The following IQCJ variants were observed in gnomAD, a reference collection of about 807,000 sequenced individuals.
IQCJ encodes the protein IQ domain-containing protein J.
Under a neutral mutation model 11.0 loss-of-function variants are expected in IQCJ, and 9 were observed. The ratio of observed to expected loss-of-function variants is 0.82; its 90% CI spans 0.49 to 1.43. The LOEUF (loss-of-function observed/expected upper bound fraction) is 1.43. Ranked by LOEUF, IQCJ falls within the 40% of genes most tolerant of loss-of-function variation. The pLI is 0.00. For synonymous variants in IQCJ, 55 were observed against 51.3 expected, an observed-to-expected ratio of 1.07 and a Z score of -0.31; for missense variants, 146 against 133.2, an observed-to-expected ratio of 1.10 and a Z score of -0.47.
intron 1 of IQCJ, among the ~76,000 whole-genome samples, chr3:159,126,576 A>C (rs1019869217): frequency 6.6e-6 from 1 of 152,204 alleles, no homozygotes; most frequent in Non-Finnish European, 1.5e-5. Context: ...AGGACAGGGT[A>C]GGTTCTGAAT....
chr3:159,188,266 C>T (rs1308207707), intron 1 of IQCJ, among the ~76,000 whole-genome samples: 5 of 152,088 alleles, frequency 3.3e-5, no homozygotes, highest in East Asian at 1.9e-4. Context: ...CAAAATTAGC[C>T]GGGTGTGGTG....
intron 1 of IQCJ, among the ~76,000 whole-genome samples, chr3:159,076,952 G>C (rs73874794): frequency 6.6e-6 from 1 of 152,018 alleles, no homozygotes; most frequent in African/African-American, 2.4e-5. Flanking sequence ...GAGACTTAAG[G>C]TATATAAAGT....
intron 1 of IQCJ, among the ~76,000 whole-genome samples, chr3:159,209,357 C>T (rs933565073): frequency 1.7e-4 from 26 of 152,112 alleles, no homozygotes; most frequent in Admixed American, 1.0e-3. Flanking sequence ...ATCCCCCTTC[C>T]GGCTCCCCTT....
intron 1 of IQCJ, among the ~76,000 whole-genome samples, chr3:159,150,088 A>G (rs1721122733): frequency 6.6e-6 from 1 of 152,106 alleles, no homozygotes; most frequent in South Asian, 2.1e-4. Context: ...ATTAGTGCTC[A>G]TCTCCCCTAA....
intron 1 of IQCJ, among the ~76,000 whole-genome samples, chr3:159,116,467 A>T (rs1197003714): frequency 6.6e-6 from 1 of 151,408 alleles, no homozygotes; most frequent in Admixed American, 6.6e-5. Flanking sequence ...AAGATTGTGG[A>T]TCTCTTAAGT....
intron 1 of IQCJ, among the ~76,000 whole-genome samples, chr3:159,223,076 T>C (rs1725643260): frequency 6.6e-6 from 1 of 152,168 alleles, no homozygotes; most frequent in African/African-American, 2.4e-5. Flanking sequence ...AAAGATTTTA[T>C]ATACTTGAAA....
chr3:159,259,071 C>T (rs1395073287), intron 3 of IQCJ, among the ~76,000 whole-genome samples: 2 of 152,202 alleles, frequency 1.3e-5, no homozygotes. Context: ...TCTGGGAACC[C>T]TCTCCTCTCC....
chr3:159,254,946 C>T (rs1727809158), intron 3 of IQCJ, among the ~76,000 whole-genome samples: 1 of 152,200 alleles, frequency 6.6e-6, no homozygotes, highest in Non-Finnish European at 1.5e-5. Flanking sequence ...GGTTTGTGCC[C>T]CTTGCTCTGC....
chr3:159,083,170 A>G (rs1323700851), intron 1 of IQCJ, among the ~76,000 whole-genome samples: 2 of 152,172 alleles, frequency 1.3e-5, no homozygotes, highest in Non-Finnish European at 2.9e-5. Context: ...AGAAAGAAAA[A>G]GACAAGCTAT....
rs138479319 is a variant in IQCJ at position 159,083,055 on chromosome 3, C to A, written c.9+13614C>A. Among the ~76,000 whole-genome samples the A allele has an allele frequency of 3.8e-4, 58 of 152,140 alleles. No homozygotes were observed. In the East Asian group the frequency reaches 8.3e-3, roughly 22 times the overall value. On this transcript the variant is annotated intron_variant, in intron 1 of 3. Transcript: ENST00000397832. ...TTTTGAAACCTCGGATGAGGTAAAG[C>A]CTTCTTAAACTTGTCACCAAAAGCA...
chr3:159,254,157 A>G (rs979727016), intron 3 of IQCJ, among the ~76,000 whole-genome samples: 1 of 152,332 alleles, frequency 6.6e-6, no homozygotes, highest in South Asian at 2.1e-4. Context: ...TCTCATTAAG[A>G]TAAGGTCCTG....
At chr3:159,225,153 T>A (rs1725780138) in intron 1 of IQCJ, among the ~76,000 whole-genome samples, 1 of 152,188 alleles carries the variant, frequency 6.6e-6, no homozygotes, top group African/African-American at 2.4e-5. Context: ...TAAATGTTCT[T>A]CAATGGTTGA....
intron 1 of IQCJ, among the ~76,000 whole-genome samples, chr3:159,120,882 A>G (rs1412627029): frequency 3.9e-5 from 6 of 152,156 alleles, no homozygotes; most frequent in African/African-American, 9.6e-5. Context: ...CATTGTGCCT[A>G]TTTCTGGGTT....
intron 3 of IQCJ, among the ~76,000 whole-genome samples, chr3:159,254,333 G>GA (rs929457377): frequency 7.2e-5 from 11 of 151,902 alleles, no homozygotes; most frequent in African/African-American, 2.7e-4. Context: ...ACTAGGCAGA[G>GA]AAAAAAAATC....
intron 1 of IQCJ, among the ~76,000 whole-genome samples, chr3:159,087,499 A>G (rs1169891046): frequency 6.6e-6 from 1 of 151,972 alleles, no homozygotes; most frequent in Non-Finnish European, 1.5e-5. Context: ...AATGGTACCA[A>G]GTCCTCCTTG....
At chr3:159,112,730 CTG>C (rs1215722062) in intron 1 of IQCJ, among the ~76,000 whole-genome samples, 1 of 152,174 alleles carries the variant, frequency 6.6e-6, no homozygotes, top group African/African-American at 2.4e-5. Flanking sequence ...GAGACACAAA[CTG>C]GGGTCCTCAG....
chr3:159,108,022 A>C (rs897599309), intron 1 of IQCJ, among the ~76,000 whole-genome samples: 4 of 151,306 alleles, frequency 2.6e-5, no homozygotes, highest in African/African-American at 9.7e-5. Flanking sequence ...AAAAAAAAAA[A>C]AAAGAAAAAA....
chr3:159,160,914 C>T (rs978132053), intron 1 of IQCJ, among the ~76,000 whole-genome samples: 2 of 152,172 alleles, frequency 1.3e-5, no homozygotes, highest in African/African-American at 4.8e-5. Flanking sequence ...GCCACACTTT[C>T]TTATTCCAGT....
At chr3:159,238,809 T>A (rs1353624864) in intron 1 of IQCJ, among the ~76,000 whole-genome samples, 1 of 152,234 alleles carries the variant, frequency 6.6e-6, no homozygotes, top group South Asian at 2.1e-4. Context: ...GGGATTTTGT[T>A]ATGAATCATT....
Sources: gnomAD v4.1 joint callset for allele counts (sites outside exome capture counted in the v4.1 genomes callset) on GRCh38, gnomAD v4.1.1 for gene constraint, MANE v1.5 for transcripts, NCBI Gene and HGNC (gene_info 2026-07-23, HGNC 2026-07-21) for gene names.